The following CFDP1 variants were observed in gnomAD, a reference collection of about 807,000 sequenced individuals.
CFDP1 encodes heterochromatin-stabilizing protein CFDP1.
CFDP1 carries 31 observed loss-of-function variants against 40.1 expected under a neutral mutation model. The ratio of observed to expected loss-of-function variants is 0.77; its 90% confidence interval spans 0.58 to 1.04. CFDP1 has a LOEUF of 1.04. Among genes scored for constraint, CFDP1 ranks in the 50% least tolerant of loss-of-function variants. CFDP1 has a pLI of 0.00. For synonymous variants in CFDP1, 167 were observed against 120.0 expected, an observed-to-expected ratio of 1.39 and a Z score of -2.56; for missense variants, 423 against 343.4, an observed-to-expected ratio of 1.23 and a Z score of -1.83.
chr16:75,333,110 C>A (rs1206948876), intron 5 of CFDP1, among the ~76,000 whole-genome samples: 3 of 142,736 alleles, frequency 2.1e-5, no homozygotes, highest in Non-Finnish European at 4.5e-5. Context: ...GCCCAGCCAG[C>A]CTACTCATGT....
At chr16:75,430,608 C>T (rs1179157097) in intron 1 of CFDP1, among the ~76,000 whole-genome samples, 4 of 151,886 alleles carry the variant, frequency 2.6e-5, no homozygotes, top group Admixed American at 6.6e-5. Context: ...GGATTACAGG[C>T]GCCCGTCACC....
chr16:75,340,465 T>TA (rs1383668770), intron 5 of CFDP1, among the ~76,000 whole-genome samples: 3 of 152,210 alleles, frequency 2.0e-5, no homozygotes, highest in Non-Finnish European at 4.4e-5. Context: ...CCCTCCACAC[T>TA]AAAATATTTA....
At chr16:75,301,533 T>C (rs1280021980) in intron 6 of CFDP1, among the ~76,000 whole-genome samples, 2 of 136,238 alleles carry the variant, frequency 1.5e-5, no homozygotes, top group Admixed American at 7.9e-5. Context: ...AGTTTTGTTG[T>C]GTCTTTTTTT....
chr16:75,405,747 C>T (rs1430508725), intron 4 of CFDP1, among the ~76,000 whole-genome samples: 1 of 102,350 alleles, frequency 9.8e-6, no homozygotes, highest in East Asian at 2.9e-4. Flanking sequence ...GAGACTCCAT[C>T]TCAAAAAAAA....
intron 1 of CFDP1, chr16:75,419,072 A>G: frequency 2.4e-6 from 1 of 422,476 alleles, no homozygotes; most frequent in South Asian, 1.7e-5. Context: ...GAGCCCAGGA[A>G]TTGAAGGCTA....
chr16:75,427,434 G>C (rs1036632033), intron 1 of CFDP1, among the ~76,000 whole-genome samples: 1 of 152,046 alleles, frequency 6.6e-6, no homozygotes, highest in East Asian at 1.9e-4. Context: ...GTATTTTTTA[G>C]TAGAGACAGG....
chr16:75,424,145 G>C (rs2079308632), intron 1 of CFDP1, among the ~76,000 whole-genome samples: 1 of 152,094 alleles, frequency 6.6e-6, no homozygotes. Context: ...TAGGAACAGA[G>C]GGGAACTTAT....
At chr16:75,309,819 CAAAAAA>C (rs1156624164) in intron 5 of CFDP1, among the ~76,000 whole-genome samples, 5 of 46,482 alleles carry the variant, frequency 1.1e-4, no homozygotes, top group African/African-American at 2.9e-4. Context: ...GACTCCATCT[CAAAAAA>C]AAAAAAAAAA....
At chr16:75,319,282 T>C (rs897654327) in intron 5 of CFDP1, among the ~76,000 whole-genome samples, 2 of 152,048 alleles carry the variant, frequency 1.3e-5, no homozygotes, top group African/African-American at 4.8e-5. Flanking sequence ...GACCTTATAA[T>C]CCACCTACCT....
intron 5 of CFDP1, among the ~76,000 whole-genome samples, chr16:75,380,521 A>G (rs773686154): frequency 1.3e-4 from 20 of 152,094 alleles, no homozygotes; most frequent in Non-Finnish European, 2.8e-4. Context: ...CTAAAAGTGG[A>G]AAGTCAATGC....
intron 4 of CFDP1, among the ~76,000 whole-genome samples, chr16:75,408,487 T>C (rs986040333): frequency 1.3e-5 from 2 of 151,972 alleles, no homozygotes; most frequent in Non-Finnish European, 2.9e-5. Flanking sequence ...CAAATATTAA[T>C]ATAAACAGTG....
chr16:75,374,131 T>C (rs1359689647), intron 5 of CFDP1, among the ~76,000 whole-genome samples: 3 of 152,064 alleles, frequency 2.0e-5, no homozygotes, highest in Non-Finnish European at 4.4e-5. Context: ...TGGGTGCCTA[T>C]AGTCCCAGCT....
intron 1 of CFDP1, among the ~76,000 whole-genome samples, chr16:75,428,224 A>G (rs776172030): frequency 2.0e-5 from 3 of 152,142 alleles, no homozygotes; most frequent in Non-Finnish European, 2.9e-5. Flanking sequence ...ATCAGAGAAC[A>G]GTACATTGAA....
At chr16:75,419,007 G>A in intron 1 of CFDP1, 2 of 332,422 alleles carry the variant, frequency 6.0e-6, no homozygotes, top group Non-Finnish European at 1.2e-5. Context: ...GTCAGGCATG[G>A]TGGCACGCAC....
chr16:75,415,910 T>C (rs1308782242), intron 1 of CFDP1, among the ~76,000 whole-genome samples: 1 of 152,196 alleles, frequency 6.6e-6, no homozygotes, highest in East Asian at 1.9e-4. Context: ...TGGAGTGCAG[T>C]GGCGCGATCT....
intron 1 of CFDP1, among the ~76,000 whole-genome samples, chr16:75,422,392 GCCT>G (rs1205236016): frequency 6.7e-6 from 1 of 148,912 alleles, no homozygotes; most frequent in African/African-American, 2.5e-5. Context: ...ACTGCGTATG[GCCT>G]CTTTTTTTTT....
intron 4 of CFDP1, among the ~76,000 whole-genome samples, chr16:75,411,214 T>C (rs924458527): frequency 4.0e-5 from 6 of 151,308 alleles, no homozygotes; most frequent in Non-Finnish European, 7.4e-5. Flanking sequence ...CGAGACTCCA[T>C]CTAAAAAAAA....
intron 4 of CFDP1, 60 bp from the exon 5 acceptor site, chr16:75,395,269 G>A: frequency 1.3e-6 from 2 of 1,570,570 alleles, no homozygotes; most frequent in South Asian, 1.1e-5. Context: ...AAACAAGCTA[G>A]AAAAGGGAAT....
At chr16:75,359,459 A>T (rs987673873) in intron 5 of CFDP1, among the ~76,000 whole-genome samples, 2 of 152,234 alleles carry the variant, frequency 1.3e-5, no homozygotes, top group Admixed American at 1.3e-4. Context: ...AAGGGTATTA[A>T]GTGCTGAATT....
Sources: allele counts gnomAD v4.1 joint callset (sites outside exome capture counted in the v4.1 genomes callset), GRCh38; gene constraint gnomAD v4.1.1; transcripts MANE v1.5; gene names NCBI Gene and HGNC (gene_info 2026-07-23, HGNC 2026-07-21).